Variants in PTK2B observed in about 807,000 individuals in gnomAD.
The protein encoded by PTK2B is protein-tyrosine kinase 2-beta.
In PTK2B, 71 loss-of-function variants were observed where a neutral mutation model predicts 142.9. The ratio of observed to expected loss-of-function variants is 0.50; its 90% confidence interval spans 0.41 to 0.61. The LOEUF (loss-of-function observed/expected upper bound fraction) is 0.61. Ranked by LOEUF, PTK2B falls within the 20% of genes least tolerant of loss-of-function variation. The probability of loss-of-function intolerance (pLI) is 0.00; values close to 1 mark genes in which losing one functional copy is unlikely to be tolerated. For missense variants in PTK2B, 1,105 were observed against 1,320.4 expected (o/e 0.84, Z 2.53); for synonymous variants, 519 against 503.4 (o/e 1.03, Z -0.42).
intron 2 of PTK2B, among the ~76,000 whole-genome samples, chr8:27,400,097 T>C (rs1808280909): frequency 6.6e-6 from 1 of 152,220 alleles, no homozygotes; most frequent in Non-Finnish European, 1.5e-5. Flanking sequence ...ATCTGTCTTA[T>C]TTTCAAATAA....
chr8:27,351,744 G>A (rs1472694913), intron 1 of PTK2B, among the ~76,000 whole-genome samples: 4 of 152,154 alleles, frequency 2.6e-5, no homozygotes, highest in African/African-American at 9.7e-5. Context: ...TATCTATGGG[G>A]AAACATTACA....
chr8:27,345,941 GT>G (rs1168121021), intron 1 of PTK2B, among the ~76,000 whole-genome samples: 2 of 152,162 alleles, frequency 1.3e-5, no homozygotes, highest in African/African-American at 4.8e-5. Flanking sequence ...TGGCTACAAA[GT>G]GACTGAGCCT....
At chr8:27,405,052 C>CTT (rs957769724) in intron 2 of PTK2B, among the ~76,000 whole-genome samples, 1 of 64,778 alleles carries the variant, frequency 1.5e-5, no homozygotes, top group African/African-American at 4.0e-5. Context: ...CTCTCTCTCT[C>CTT]TCTCTCTCTC....
intron 1 of PTK2B, among the ~76,000 whole-genome samples, chr8:27,340,836 C>T (rs1271108917): frequency 6.6e-6 from 1 of 152,168 alleles, no homozygotes; most frequent in Non-Finnish European, 1.5e-5. Context: ...CCATGCTGGC[C>T]GCTGGCCAGC....
At chr8:27,429,054 G>A (rs897290561) in intron 5 of PTK2B, among the ~76,000 whole-genome samples, 3 of 152,054 alleles carry the variant, frequency 2.0e-5, no homozygotes, top group East Asian at 1.9e-4. Context: ...CGAGTAGTAC[G>A]TGCCACCATG....
At chr8:27,355,864 A>C (rs1310798423) in intron 1 of PTK2B, among the ~76,000 whole-genome samples, 1 of 152,148 alleles carries the variant, frequency 6.6e-6, no homozygotes, top group Non-Finnish European at 1.5e-5. Context: ...TCTACTAAAA[A>C]TACAAACAAT....
chr8:27,421,026 T>C (rs549943118), intron 4 of PTK2B, among the ~76,000 whole-genome samples: 1 of 152,300 alleles, frequency 6.6e-6, no homozygotes, highest in South Asian at 2.1e-4. Flanking sequence ...CAAGAGCAGG[T>C]CCAAGATGAA....
intron 5 of PTK2B, 73 bp from the exon 6 acceptor site, chr8:27,430,020 G>C: frequency 4.3e-6 from 6 of 1,385,656 alleles, no homozygotes; most frequent in Non-Finnish European, 5.1e-6. Flanking sequence ...GCTTCTGGTG[G>C]CATGAGGTGC....
Position 27,340,362 on chromosome 8 carries a change from G to A in PTK2B, c.-38+14681G>A, listed in dbSNP as rs145421079. 3.9e-5 allele frequency among the ~76,000 whole-genome samples: 6 copies of A among 152,330 alleles called. No homozygotes were observed. In the East Asian group the frequency reaches 1.2e-3, roughly 29 times the overall value. ...TGTGCCAGGCAAAGGGTGGTTGGGT[G>A]AGGTGCTTTACAGGTTGAGAGCACA... On this transcript the variant is annotated intron_variant, in intron 1 of 30. Transcript: ENST00000346049.
chr8:27,368,002 C>T (rs1489965941), intron 1 of PTK2B, among the ~76,000 whole-genome samples: 1 of 152,260 alleles, frequency 6.6e-6, no homozygotes, highest in Admixed American at 6.5e-5. Flanking sequence ...GGGGACAAAG[C>T]AGGCCCCACG....
intron 15 of PTK2B, 37 bp downstream of exon 15, chr8:27,436,385 C>T: frequency 6.4e-7 from 1 of 1,565,268 alleles, no homozygotes; most frequent in Non-Finnish European, 8.8e-7. Context: ...TCCTCTTCCA[C>T]ATGTCTGTAG....
At chr8:27,453,413 C>T (rs892048999) in intron 28 of PTK2B, among the ~76,000 whole-genome samples, 20 of 152,214 alleles carry the variant, frequency 1.3e-4, no homozygotes, top group African/African-American at 4.8e-4. Context: ...GTAGAGCTCC[C>T]TGGTCCAGCT....
At chr8:27,412,637 G>A (rs565089673) in intron 2 of PTK2B, among the ~76,000 whole-genome samples, 1 of 152,258 alleles carries the variant, frequency 6.6e-6, no homozygotes, top group South Asian at 2.1e-4. Context: ...TGCTTAGAAA[G>A]CTCCCAAGGT....
upstream of PTK2B, chr8:27,310,867 G>A (rs770648814): frequency 1.6e-5 from 26 of 1,611,578 alleles, 1 homozygote; most frequent in South Asian, 1.8e-4. Context: ...GGTCGGCCTG[G>A]CAGGAGCAGC....
chr8:27,434,336 G>T (rs1013168694), intron 12 of PTK2B, among the ~76,000 whole-genome samples, 177 bp from the exon 13 acceptor site: 25 of 152,160 alleles, frequency 1.6e-4, no homozygotes, highest in Non-Finnish European at 3.2e-4. Context: ...ATCCTGGGGG[G>T]TTGCTGCTGT....
rs73679168 is a variant in PTK2B, at chr8:27,342,629, C to G, written c.-38+16948C>G. Among the ~76,000 whole-genome samples, 901 of 152,292 alleles carry G rather than the reference C, an allele frequency of 5.9e-3. 9 individuals are homozygous for G. The highest frequency in any genetic ancestry group is 0.021 in the African/African-American group (875 of 41,546). On this transcript the variant is annotated intron_variant, in intron 1 of 30. Transcript: ENST00000346049. ...TTCCCACCTCTCAGATTCCTTCGAA[C>G]CCTCCCCCTGTGTCACCTCTGCCAT...
chr8:27,325,973 T>C (rs1404871184), intron 1 of PTK2B, among the ~76,000 whole-genome samples: 1 of 152,012 alleles, frequency 6.6e-6, no homozygotes, highest in African/African-American at 2.4e-5. Context: ...TGGGGGAGGC[T>C]AGGGGTGACG....
chr8:27,411,736 T>C (rs976457985), intron 2 of PTK2B, among the ~76,000 whole-genome samples: 1 of 152,216 alleles, frequency 6.6e-6, no homozygotes, highest in African/African-American at 2.4e-5. Flanking sequence ...TGGCACACTT[T>C]GCAAGGCAGT....
upstream of PTK2B, among the ~76,000 whole-genome samples, chr8:27,323,828 G>A (rs1803283542): frequency 1.3e-5 from 2 of 152,256 alleles, no homozygotes; most frequent in South Asian, 4.1e-4. Context: ...TTTTTTTAAA[G>A]TGCTGAAGAA....
Sources: gnomAD v4.1 joint callset for allele counts (sites outside exome capture counted in the v4.1 genomes callset) on GRCh38, gnomAD v4.1.1 for gene constraint, MANE v1.5 for transcripts, NCBI Gene and HGNC (gene_info 2026-07-23, HGNC 2026-07-21) for gene names.